Variants in UBR2 observed in about 807,000 individuals in gnomAD.
The protein encoded by UBR2 is E3 ubiquitin-protein ligase UBR2.
Under a neutral mutation model 247.9 loss-of-function variants are expected in UBR2, and 92 were observed. That is an observed-to-expected ratio of 0.37 (90% CI 0.31 to 0.44). The LOEUF (loss-of-function observed/expected upper bound fraction) is 0.44. UBR2 is among the 20% of genes least tolerant of loss of function. The pLI, the probability that UBR2 is intolerant of heterozygous loss-of-function variation, is 1.00. For synonymous variants in UBR2, 672 were observed against 693.5 expected, an observed-to-expected ratio of 0.97 and a Z score of 0.49; for missense variants, 1,613 against 2,112.6, an observed-to-expected ratio of 0.76 and a Z score of 4.64.
intron 40 of UBR2, among the ~76,000 whole-genome samples, chr6:42,678,006 A>G (rs1327079175): frequency 6.6e-6 from 1 of 151,664 alleles, no homozygotes; most frequent in Non-Finnish European, 1.5e-5. Context: ...TCCAGCCTGG[A>G]CAACTTTTCA....
intron 2 of UBR2, among the ~76,000 whole-genome samples, chr6:42,582,120 A>G (rs367611299): frequency 2.0e-5 from 3 of 151,932 alleles, no homozygotes; most frequent in East Asian, 3.9e-4. Flanking sequence ...CGTCTCTACT[A>G]AAAATACAAA....
intron 44 of UBR2, among the ~76,000 whole-genome samples, chr6:42,687,531 T>A (rs975371895): frequency 1.5e-4 from 22 of 149,376 alleles, no homozygotes; most frequent in African/African-American, 4.6e-4. Context: ...TATTTTATTT[T>A]ATTTATTTAT....
At chr6:42,602,999 C>A (rs1415272266) in intron 4 of UBR2, among the ~76,000 whole-genome samples, 1 of 151,942 alleles carries the variant, frequency 6.6e-6, no homozygotes, top group Non-Finnish European at 1.5e-5. Context: ...TTTACATTAC[C>A]CTAGAAATTC....
intron 41 of UBR2, among the ~76,000 whole-genome samples, chr6:42,679,235 C>G (rs1798893951): frequency 6.6e-6 from 1 of 152,244 alleles, no homozygotes; most frequent in African/African-American, 2.4e-5. Flanking sequence ...CAGTGCTACT[C>G]TCTGAAAGTT....
At chr6:42,679,870 C>T (rs904988092) in intron 42 of UBR2, 38 bp downstream of exon 42, 6 of 1,440,562 alleles carry the variant, frequency 4.2e-6, no homozygotes, top group South Asian at 1.2e-5. Context: ...TATTAAATAG[C>T]TCTATGGAAC....
chr6:42,653,814 A>G (rs2151968407), intron 25 of UBR2, among the ~76,000 whole-genome samples: 1 of 151,938 alleles, frequency 6.6e-6, no homozygotes, highest in South Asian at 2.1e-4. Flanking sequence ...ACAGGGTTTC[A>G]CCACGTTGGC....
chr6:42,639,533 G>A (rs186423179), intron 15 of UBR2, among the ~76,000 whole-genome samples: 75 of 152,336 alleles, frequency 4.9e-4, no homozygotes, highest in African/African-American at 1.7e-3. Context: ...GGGAGGCAGA[G>A]GTTGCAGTCA....
intron 38 of UBR2, among the ~76,000 whole-genome samples, chr6:42,675,725 C>T (rs757281031): frequency 4.6e-5 from 7 of 151,968 alleles, no homozygotes; most frequent in Non-Finnish European, 8.8e-5. Flanking sequence ...TTTGGGAGGC[C>T]GAGGTGGGCG....
chr6:42,637,276 T>G, intron 15 of UBR2, 82 bp downstream of exon 15: 1 of 1,398,582 alleles, frequency 7.2e-7, no homozygotes. Flanking sequence ...ATACTTACTT[T>G]GTGCCAGATG....
chr6:42,670,490 C>T (rs961636050), intron 35 of UBR2, among the ~76,000 whole-genome samples, 170 bp from the exon 36 acceptor site: 20 of 152,042 alleles, frequency 1.3e-4, no homozygotes, highest in African/African-American at 4.6e-4. Context: ...ATGTACTGTT[C>T]GTTTTTACTT....
intron 28 of UBR2, 103 bp from the exon 29 acceptor site, chr6:42,658,543 A>G: frequency 8.2e-7 from 1 of 1,222,198 alleles, no homozygotes; most frequent in Admixed American, 3.1e-5. Flanking sequence ...GTGAGATTAT[A>G]GAATAGTTTT....
chr6:42,622,405 G>GTTTTTTTTTT (rs112798050), intron 11 of UBR2, among the ~76,000 whole-genome samples: 5 of 138,794 alleles, frequency 3.6e-5, no homozygotes, highest in African/African-American at 1.4e-4. Flanking sequence ...TTTTTGGTGG[G>GTTTTTTTTTT]TTTTTTTTTT....
intron 23 of UBR2, 48 bp downstream of exon 23, chr6:42,650,434 T>C (rs769480651): frequency 4.7e-6 from 7 of 1,499,798 alleles, no homozygotes; most frequent in African/African-American, 4.1e-5. Flanking sequence ...GCATTGTTTT[T>C]CTTAAGAGAT....
At chr6:42,572,627 A>G (rs1057305790) in intron 1 of UBR2, among the ~76,000 whole-genome samples, 1 of 151,708 alleles carries the variant, frequency 6.6e-6, no homozygotes, top group African/African-American at 2.4e-5. Context: ...CCCAATAGGT[A>G]GTTTTTCAAC....
At chr6:42,654,447 C>T (rs920748655) in intron 25 of UBR2, among the ~76,000 whole-genome samples, 6 of 152,172 alleles carry the variant, frequency 3.9e-5, no homozygotes, top group Admixed American at 6.6e-5. Flanking sequence ...GGTGTGGGCC[C>T]GGCACAGTGG....
chr6:42,596,458 A>G (rs1792983634), intron 4 of UBR2, among the ~76,000 whole-genome samples: 2 of 152,072 alleles, frequency 1.3e-5, no homozygotes, highest in Admixed American at 6.6e-5. Flanking sequence ...AATATTAAAC[A>G]TTACCGTATA....
At chr6:42,650,429 G>A in intron 23 of UBR2, 43 bp downstream of exon 23, 1 of 1,531,960 alleles carries the variant, frequency 6.5e-7, no homozygotes, top group Non-Finnish European at 9.0e-7. Flanking sequence ...GGATTGCATT[G>A]TTTTTCTTAA....
chr6:42,641,104 G>A (rs1221336257), intron 16 of UBR2, among the ~76,000 whole-genome samples: 1 of 152,084 alleles, frequency 6.6e-6, no homozygotes, highest in Non-Finnish European at 1.5e-5. Context: ...ACCATAAATG[G>A]GATATCATAG....
chr6:42,650,173 C>T, intron 22 of UBR2, 111 bp from the exon 23 acceptor site: 1 of 808,494 alleles, frequency 1.2e-6, no homozygotes, highest in Non-Finnish European at 2.0e-6. Context: ...TAGCTTAACA[C>T]CCACCAGCAG....
Sources: gnomAD v4.1 joint callset for allele counts (sites outside exome capture counted in the v4.1 genomes callset) on GRCh38, gnomAD v4.1.1 for gene constraint, MANE v1.5 for transcripts, NCBI Gene and HGNC (gene_info 2026-07-23, HGNC 2026-07-21) for gene names.